The following FAM200A variants were observed in gnomAD, a reference collection of about 807,000 sequenced individuals.
The protein encoded by FAM200A is ZBED8 like.
In FAM200A, 26 loss-of-function variants were observed where a neutral mutation model predicts 44.2. The ratio of observed to expected loss-of-function variants is 0.59; its 90% CI spans 0.43 to 0.82. FAM200A has a LOEUF of 0.82. Ranked by LOEUF, FAM200A falls within the 40% of genes least tolerant of loss-of-function variation. The pLI is 0.00. For synonymous variants in FAM200A, 206 were observed against 244.4 expected (o/e 0.84, Z 1.47); for missense variants, 606 against 669.5 (o/e 0.91, Z 1.05).
Position 99,546,717 on chromosome 7 carries a change from AGTTCCTTCCAGTC to A in FAM200A, c.1678_1690del (p.Asp560LeufsTer2). 1.3e-6 allele frequency: 2 copies of A among 1,538,198 alleles called. No individual in the cohort carries two copies. Among genetic ancestry groups the A allele is most frequent in the Admixed American group, 2.1e-5 (1 of 47,252 alleles). On this transcript the variant is annotated frameshift_variant, in exon 2 of 2. Coordinates refer to ENST00000449309, the MANE Select transcript of FAM200A (RefSeq NM_145111.4). LOFTEE classifies it high-confidence loss of function. ...TGATGGGTGTGCTTGTCTGTTCATA[AGTTCCTTCCAGTC>A]AGGAACACATGAAGATAATGCTACC...
At position 99,546,933 on chromosome 7, in the gene FAM200A, A is replaced by G. The variant is rs1289283060; in HGVS notation, c.1475T>C (p.Ile492Thr). The G allele has an allele frequency of 6.5e-7, 1 of 1,549,130 alleles. No homozygotes were observed. Among genetic ancestry groups the G allele is most frequent in the Non-Finnish European group, 8.7e-7 (1 of 1,146,384 alleles). The change falls in exon 2 of 2, where the codon ATA becomes ACA. Residue 492 changes from isoleucine to threonine, a missense_variant. Transcript: ENST00000449309. Reference protein sequence around the residue: ...SSFTLKNYYKILSLSAFWIKI... With the variant: ...SSFTLKNYYKTLSLSAFWIKI... ...AATCCAAAATGCTGATAAACTTAAT[A>G]TCTTATAATAATTCTTTAGTGTGAA...
upstream of FAM200A, among the ~76,000 whole-genome samples, chr7:99,553,089 ATATATATATATTTTTT>A (rs1204282727): frequency 2.0e-5 from 2 of 100,334 alleles, no homozygotes; most frequent in African/African-American, 1.2e-4. Context: ...ATATATATAT[ATATATATATATTTTTT>A]TTTTTTTTTT....
At chr7:99,554,712 A>G (rs1473066762), upstream of FAM200A, among the ~76,000 whole-genome samples, 3 of 152,118 alleles carry the variant, frequency 2.0e-5, no homozygotes, top group Admixed American at 6.6e-5. Flanking sequence ...ACCATTGCTC[A>G]CTGAGATAAT....
Position 99,548,201 on chromosome 7 carries a change from A to G in FAM200A, c.207T>C (p.Tyr69=). 2 of 1,571,764 alleles carry G rather than the reference A, an allele frequency of 1.3e-6. No individual in the cohort carries two copies. The highest frequency in any genetic ancestry group is 1.7e-4 in the Middle Eastern group (1 of 6,008). ...GAGCCATTTTCTCTTTTGCCACTCT[A>G]TATGCAACTAAATACGATGACAATA... ...RALLSSYLVA[Y]RVAKEKMAHT... Residue 69 remains tyrosine, a synonymous_variant, in exon 2 of 2, where the codon TAT becomes TAC. Coordinates refer to ENST00000449309, the MANE Select transcript of FAM200A (RefSeq NM_145111.4).
At chr7:99,556,594 T>C (rs1802683425), upstream of FAM200A, among the ~76,000 whole-genome samples, 1 of 152,206 alleles carries the variant, frequency 6.6e-6, no homozygotes, top group African/African-American at 2.4e-5. Context: ...GCTGATACCA[T>C]ACCATCCTGA....
At chr7:99,557,390 T>G (rs976941000) in intron 1 of FAM200A, among the ~76,000 whole-genome samples, 2 of 152,154 alleles carry the variant, frequency 1.3e-5, no homozygotes, top group South Asian at 2.1e-4. Flanking sequence ...CAGGAAGAAC[T>G]CCAAACCTTT....
In FAM200A at chr7:99,548,382, G is replaced by A. The variant is rs1265741111; in HGVS notation, c.26C>T (p.Thr9Ile). 6.2e-7 allele frequency: 1 copy of A among 1,613,696 alleles called. No homozygotes were observed. Among genetic ancestry groups the A allele is most frequent in the Non-Finnish European group, 8.5e-7 (1 of 1,179,908 alleles). Residue 9 changes from threonine to isoleucine, a missense_variant, in exon 2 of 2, where the codon ACA (threonine) becomes ATA (isoleucine). By Grantham distance (89) the Thr-to-Ile change is moderately conservative. Transcript: ENST00000449309. MTPESRDT[T>I]DLSPGGTQEM... ...CTGGGTACCCCCTGGAGACAAATCTGTAGTATCCCTTGATTCAGGAGTCAT... is the reference window on the plus strand; with the variant it reads ...CTGGGTACCCCCTGGAGACAAATCTATAGTATCCCTTGATTCAGGAGTCAT...
chr7:99,552,233 C>G, upstream of FAM200A: 1 of 950,154 alleles, frequency 1.1e-6, no homozygotes, highest in Non-Finnish European at 1.3e-6. Context: ...GTTTGGGGAT[C>G]TTGCTCCTCA....
chr7:99,556,096 C>T (rs1019565401), upstream of FAM200A, among the ~76,000 whole-genome samples: 1 of 152,078 alleles, frequency 6.6e-6, no homozygotes, highest in African/African-American at 2.4e-5. Flanking sequence ...TGGGTGATGT[C>T]CCCAAACCAC....
upstream of FAM200A, among the ~76,000 whole-genome samples, chr7:99,556,200 C>T (rs950502902): frequency 6.6e-6 from 1 of 152,130 alleles, no homozygotes; most frequent in Non-Finnish European, 1.5e-5. Context: ...ATATTTATGA[C>T]CCTTGTCACT....
In FAM200A at chr7:99,548,501, GC is replaced by G. The variant is rs1802442898; in HGVS notation, c.-95del. 1.3e-6 allele frequency: 2 copies of G among 1,515,410 alleles called. No individual in the cohort carries two copies. The highest frequency in any genetic ancestry group is 2.7e-5 in the South Asian group (2 of 73,580). The allele number at this position is 1,515,410 out of a possible 1,614,324, so 93.9% of individuals were successfully genotyped here. On this transcript the variant is annotated 5_prime_UTR_variant, in exon 2 of 2. An upstream open reading frame in the 5' UTR gains an earlier in-frame stop. Coordinates refer to ENST00000449309, the MANE Select transcript of FAM200A (RefSeq NM_145111.4). ...CCTAGGTTTTATGAGATCAGGTTTT[GC>G]TATCCTGCAGGGTAGAAAAACGTAA...
At chr7:99,557,897 T>C (rs2151135728) in intron 1 of FAM200A, among the ~76,000 whole-genome samples, 1 of 152,348 alleles carries the variant, frequency 6.6e-6, no homozygotes, top group South Asian at 2.1e-4. Context: ...CAGATCTAGC[T>C]TCACCTACAA....
chr7:99,553,095 A>ATTT (rs1480454564), upstream of FAM200A, among the ~76,000 whole-genome samples: 1 of 88,866 alleles, frequency 1.1e-5, no homozygotes, highest in Admixed American at 1.2e-4. Flanking sequence ...ATATATATAT[A>ATTT]TATATTTTTT....
At chr7:99,548,666 T>C (rs551403203) in intron 1 of FAM200A, among the ~76,000 whole-genome samples, 160 bp from the exon 2 acceptor site, 46 of 152,288 alleles carry the variant, frequency 3.0e-4, no homozygotes, top group Non-Finnish European at 2.5e-4. Context: ...TTTGGTGTAC[T>C]ATATACACCA....
upstream of FAM200A, among the ~76,000 whole-genome samples, chr7:99,556,729 A>T (rs1242207271): frequency 1.3e-5 from 2 of 152,216 alleles, no homozygotes; most frequent in Non-Finnish European, 2.9e-5. Flanking sequence ...TCAGTTTGTT[A>T]ATTTGCACTA....
chr7:99,555,045 T>G (rs1172717619), upstream of FAM200A, among the ~76,000 whole-genome samples: 1 of 152,184 alleles, frequency 6.6e-6, no homozygotes, highest in Admixed American at 6.5e-5. Flanking sequence ...GAATTGTACC[T>G]CCACCTCATC....
chr7:99,554,458 A>G (rs1192546551), upstream of FAM200A, among the ~76,000 whole-genome samples: 1 of 149,146 alleles, frequency 6.7e-6, no homozygotes, highest in Non-Finnish European at 1.5e-5. Context: ...CAGCCTGGGC[A>G]ACAGGGCGAG....
intron 1 of FAM200A, among the ~76,000 whole-genome samples, chr7:99,550,594 T>C (rs943768932): frequency 2.6e-5 from 4 of 152,208 alleles, no homozygotes; most frequent in Admixed American, 2.0e-4. Context: ...TATTTTACTT[T>C]ACTTAGGACA....
In FAM200A at chr7:99,547,384, T is replaced by C. The variant is rs1802413997; in HGVS notation, c.1024A>G (p.Thr342Ala). Residue 342 changes from threonine (T) to alanine (A), a missense_variant, in exon 2 of 2, where the codon ACA becomes GCA. Transcript: ENST00000449309. ...ATATCACTTAAATATGCCAATTTTG[T>C]TACCCAAATGTCGTCTTCAAAAATA... ...ANIFEDDIWV[T>A]KLAYLSDIFG... is the part of the protein sequence containing the mutation. The C allele has an allele frequency of 3.2e-6, 5 of 1,549,718 alleles. No individual in the cohort carries two copies. The South Asian group carries it at 6.0e-5, about 19-fold the overall frequency.
Sources: gnomAD v4.1 joint callset for allele counts (sites outside exome capture counted in the v4.1 genomes callset) on GRCh38, gnomAD v4.1.1 for gene constraint, MANE v1.5 for transcripts, NCBI Gene and HGNC (gene_info 2026-07-23, HGNC 2026-07-21) for gene names.